BMPR1A: variants seen among roughly 807,000 people sequenced by gnomAD.
BMPR1A encodes the protein bone morphogenetic protein receptor type-1A.
Under a neutral mutation model 66.0 loss-of-function variants are expected in BMPR1A, and 7 were observed. The observed-to-expected ratio is 0.11, with a 90% CI of 0.06 to 0.20. The LOEUF is 0.20. BMPR1A is among the 10% of genes least tolerant of loss of function. The pLI is 1.00. For missense variants in BMPR1A, 408 were observed against 669.1 expected (o/e 0.61, Z 4.31); for synonymous variants, 200 against 229.7 (o/e 0.87, Z 1.17).
intron 2 of BMPR1A, among the ~76,000 whole-genome samples, chr10:86,869,657 T>G (rs1842829785): frequency 6.6e-6 from 1 of 151,672 alleles, no homozygotes; most frequent in Non-Finnish European, 1.5e-5. Flanking sequence ...CTCGGGATGC[T>G]GAGGCGGGAG....
intron 2 of BMPR1A, among the ~76,000 whole-genome samples, chr10:86,847,865 A>G (rs1355926253): frequency 2.0e-5 from 3 of 150,332 alleles, no homozygotes; most frequent in East Asian, 2.0e-4. Context: ...TTCTTAGGTT[A>G]TTGGTCTGTT....
intron 9 of BMPR1A, 63 bp downstream of exon 9, chr10:86,917,389 C>T: frequency 6.3e-7 from 1 of 1,576,408 alleles, no homozygotes; most frequent in Non-Finnish European, 8.7e-7. Flanking sequence ...CAGGTGGAAG[C>T]CTCCATATGT....
At position 86,873,023 on chromosome 10, in the gene BMPR1A, G is replaced by A. The variant is rs111560398; in HGVS notation, c.-152-2844G>A. Among the ~76,000 whole-genome samples the A allele has an allele frequency of 6.2e-3, 947 of 152,230 alleles. 14 individuals carry two copies. Among genetic ancestry groups the A allele is most frequent in the African/African-American group, 0.02 (847 of 41,552 alleles). ...GTAGCAGGGTCGTGGATGTTTTTGCGGAAGGAACTCACACACAGTCCTTTC... is the reference window on the plus strand; with the variant it reads ...GTAGCAGGGTCGTGGATGTTTTTGCAGAAGGAACTCACACACAGTCCTTTC... On this transcript the variant is annotated intron_variant, in intron 2 of 12. Coordinates refer to ENST00000372037, the MANE Select transcript of BMPR1A (RefSeq NM_004329.3).
chr10:86,867,265 G>C lies in BMPR1A; in HGVS notation c.-152-8602G>C, dbSNP rs182940629. Among the ~76,000 whole-genome samples the C allele has an allele frequency of 2.0e-3, 300 of 152,300 alleles. 2 individuals carry two copies. The highest frequency in any genetic ancestry group is 3.5e-4 in the Non-Finnish European group (24 of 68,034). ...TCATTAGGTGTTTTGGATTTGAGTT[G>C]CTGAACCAGTAAGTATAGATAGTGC... On this transcript the variant is annotated intron_variant, in intron 2 of 12. Coordinates refer to ENST00000372037, the MANE Select transcript of BMPR1A (RefSeq NM_004329.3).
intron 2 of BMPR1A, among the ~76,000 whole-genome samples, chr10:86,862,670 C>G (rs1431559748): frequency 6.6e-6 from 1 of 151,986 alleles, no homozygotes; most frequent in African/African-American, 2.4e-5. Flanking sequence ...TGGACAGATT[C>G]TGCAGGTACA....
intron 1 of BMPR1A, among the ~76,000 whole-genome samples, chr10:86,819,595 G>A (rs1035093057): frequency 2.0e-5 from 3 of 152,216 alleles, no homozygotes; most frequent in East Asian, 3.9e-4. Flanking sequence ...CACCGTGCCC[G>A]GCCACAACTT....
chr10:86,900,031 G>A lies in BMPR1A; in HGVS notation c.435G>A (p.Pro145=), dbSNP rs11818239. Residue 145 remains proline, a synonymous_variant, in exon 7 of 13, where the codon CCG becomes CCA. Coordinates refer to ENST00000372037, the MANE Select transcript of BMPR1A (RefSeq NM_004329.3). ...ATTGTTTACTTTTATTGTCAGGTCCGTTTTTTGATGGCAGCATTCGATGGC... is the reference window on the plus strand; with the variant it reads ...ATTGTTTACTTTTATTGTCAGGTCCATTTTTTGATGGCAGCATTCGATGGC... ...QPTLPPVVIG[P]FFDGSIRWLV... 12,291 of 1,614,050 alleles carry A rather than the reference G, an allele frequency of 7.6e-3. 798 individuals carry two copies. The African/African-American group carries it at 0.14, about 18-fold the overall frequency.
Position 86,861,101 on chromosome 10 carries a change from A to G in BMPR1A, c.-152-14766A>G, listed in dbSNP as rs1057087720. ...TGTGATCCGCCATCCTTGGCCTCCC[A>G]AAGTGCTGGGATTACAGGCGTGAGC... is the stretch of plus-strand genomic sequence containing the variant. On this transcript the variant is annotated intron_variant, in intron 2 of 12. Transcript: ENST00000372037. Among the ~76,000 whole-genome samples, 3 of 152,160 alleles carry G rather than the reference A, an allele frequency of 2.0e-5. No homozygotes were observed. In the South Asian group the frequency reaches 6.2e-4, roughly 32 times the overall value.
intron 1 of BMPR1A, among the ~76,000 whole-genome samples, chr10:86,760,196 T>G (rs9943400): frequency 0.031 from 4,207 of 137,858 alleles, 228 homozygotes; most frequent in African/African-American, 0.097. Flanking sequence ...CTGTTTTTTT[T>G]TTTTTTTTTT....
At chr10:86,814,778 GT>G (rs796716712) in intron 1 of BMPR1A, among the ~76,000 whole-genome samples, 1 of 150,422 alleles carries the variant, frequency 6.6e-6, no homozygotes, top group Non-Finnish European at 1.5e-5. Context: ...TTCCTTCACT[GT>G]TTTTTTTTGT....
In BMPR1A at chr10:86,866,399, C is replaced by CTTTTTTTTTTTCTTTTTTT. The variant is rs1589752897; in HGVS notation, c.-152-9457_-152-9456insCTTTTTTTTTTTTTTTTTT. On this transcript the variant is annotated intron_variant, in intron 2 of 12. Transcript: ENST00000372037. ...TGTGTTAAGTTGGGCAAGTTTCTTTCTTTTTTTTTTTTTTTTTTTTTTTTT... is the reference window on the plus strand; with the variant it reads ...TGTGTTAAGTTGGGCAAGTTTCTTTCTTTTTTTTTTTCTTTTTTTTTTTTTTTTTTTTTTTTTTTTTTTT... 1.2e-4 allele frequency among the ~76,000 whole-genome samples: 8 copies of CTTTTTTTTTTTCTTTTTTT among 69,470 alleles called. 1 individual carries two copies. Among genetic ancestry groups the CTTTTTTTTTTTCTTTTTTT allele is most frequent in the African/African-American group, 1.6e-4 (3 of 18,816 alleles). The allele number at this position is 69,470 out of a possible 152,430, so 45.6% of individuals were successfully genotyped here. A position where few individuals can be genotyped will look rare whatever the true frequency, so the allele number is the denominator to read the frequency against.
chr10:86,922,792 G>A (rs767641123), intron 11 of BMPR1A, among the ~76,000 whole-genome samples: 28 of 152,256 alleles, frequency 1.8e-4, no homozygotes, highest in Non-Finnish European at 4.0e-4. Flanking sequence ...CAGCAGGAAA[G>A]CAGACGTGCA....
At chr10:86,811,958 G>C (rs1841978053) in intron 1 of BMPR1A, among the ~76,000 whole-genome samples, 1 of 151,898 alleles carries the variant, frequency 6.6e-6, no homozygotes. Flanking sequence ...GTGTCAACCT[G>C]TAGTCCTGGC....
At chr10:86,871,693 C>G (rs559565564) in intron 2 of BMPR1A, among the ~76,000 whole-genome samples, 2 of 151,982 alleles carry the variant, frequency 1.3e-5, no homozygotes, top group Non-Finnish European at 2.9e-5. Context: ...GCTTGTGGTC[C>G]CAGCTACTCA....
intron 1 of BMPR1A, among the ~76,000 whole-genome samples, chr10:86,759,256 TTTC>T (rs1840986778): frequency 6.6e-6 from 1 of 152,212 alleles, no homozygotes; most frequent in African/African-American, 2.4e-5. Context: ...CTGCCTTCTG[TTTC>T]TTCTTTCCTC....
chr10:86,920,096 G>A (rs1003268810), intron 10 of BMPR1A, among the ~76,000 whole-genome samples: 2 of 152,160 alleles, frequency 1.3e-5, no homozygotes, highest in African/African-American at 4.8e-5. Flanking sequence ...AGACCCAACT[G>A]ATGAACATTA....
intron 1 of BMPR1A, among the ~76,000 whole-genome samples, chr10:86,771,498 C>T (rs1564678939): frequency 6.6e-6 from 1 of 152,112 alleles, no homozygotes; most frequent in Non-Finnish European, 1.5e-5. Context: ...CATGAGGAAA[C>T]TAAGGCTGCA....
intron 1 of BMPR1A, among the ~76,000 whole-genome samples, chr10:86,776,905 G>T (rs139203932): frequency 1.2e-4 from 19 of 152,158 alleles, no homozygotes; most frequent in African/African-American, 3.9e-4. Flanking sequence ...TCATACCCCA[G>T]TTCTGTTATA....
intron 2 of BMPR1A, among the ~76,000 whole-genome samples, chr10:86,868,603 G>A (rs1042397998): frequency 1.3e-5 from 2 of 152,216 alleles, no homozygotes; most frequent in Non-Finnish European, 2.9e-5. Flanking sequence ...GGGACCCCTG[G>A]AAAGGAGAGT....
Sources: allele counts gnomAD v4.1 joint callset (sites outside exome capture counted in the v4.1 genomes callset), GRCh38; gene constraint gnomAD v4.1.1; transcripts MANE v1.5; gene names NCBI Gene and HGNC (gene_info 2026-07-23, HGNC 2026-07-21).